LRRTM4: variants seen among roughly 807,000 people sequenced by gnomAD.
The protein encoded by LRRTM4 is leucine rich repeat transmembrane neuronal 4.
A neutral mutation model predicts 47.6 loss-of-function variants in LRRTM4; 25 were observed. The ratio of observed to expected loss-of-function variants is 0.53; its 90% CI spans 0.38 to 0.73. The LOEUF (loss-of-function observed/expected upper bound fraction) is 0.73. Among genes scored for constraint, LRRTM4 ranks in the 30% least tolerant of loss-of-function variants. LRRTM4 has a pLI of 0.00. For missense variants in LRRTM4, 638 were observed against 713.4 expected (o/e 0.89, Z 1.20); for synonymous variants, 311 against 269.5 (o/e 1.15, Z -1.51).
intron 3 of LRRTM4, among the ~76,000 whole-genome samples, chr2:77,478,905 T>C (rs1677541041): frequency 6.6e-6 from 1 of 152,018 alleles, no homozygotes; most frequent in African/African-American, 2.4e-5. Context: ...TCTTTCTTTC[T>C]TTTTTTTGAG....
At chr2:77,475,622 T>C (rs979564226) in intron 3 of LRRTM4, among the ~76,000 whole-genome samples, 2 of 151,994 alleles carry the variant, frequency 1.3e-5, no homozygotes, top group Non-Finnish European at 2.9e-5. Flanking sequence ...ATAATATACA[T>C]ATTTTAAAGT....
chr2:77,443,155 T>C (rs1265290192), intron 3 of LRRTM4, among the ~76,000 whole-genome samples: 1 of 152,160 alleles, frequency 6.6e-6, no homozygotes, highest in African/African-American at 2.4e-5. Flanking sequence ...TAAGATGGGT[T>C]GCAAATGTAG....
chr2:77,217,710 G>A (rs1674498991), intron 3 of LRRTM4, among the ~76,000 whole-genome samples: 1 of 151,476 alleles, frequency 6.6e-6, no homozygotes, highest in Admixed American at 6.6e-5. Flanking sequence ...TTACAGATAA[G>A]TCATAAGTCT....
At chr2:76,982,776 T>A (rs929191550) in intron 3 of LRRTM4, among the ~76,000 whole-genome samples, 7 of 151,944 alleles carry the variant, frequency 4.6e-5, no homozygotes, top group Admixed American at 4.6e-4. Flanking sequence ...TAAAATAGAT[T>A]TGCAAAAAAT....
chr2:76,900,932 G>A (rs1047175102), intron 3 of LRRTM4, among the ~76,000 whole-genome samples: 8 of 152,086 alleles, frequency 5.3e-5, no homozygotes, highest in African/African-American at 1.2e-4. Flanking sequence ...CTAAAAATAC[G>A]CCAATGCATG....
At chr2:77,098,937 C>T (rs1055066888) in intron 3 of LRRTM4, among the ~76,000 whole-genome samples, 2 of 151,968 alleles carry the variant, frequency 1.3e-5, no homozygotes, top group Non-Finnish European at 2.9e-5. Flanking sequence ...CTCCATTTCA[C>T]ATCTATTAGG....
At chr2:76,899,396 A>C (rs939005068) in intron 3 of LRRTM4, among the ~76,000 whole-genome samples, 1 of 151,690 alleles carries the variant, frequency 6.6e-6, no homozygotes, top group African/African-American at 2.4e-5. Flanking sequence ...CATAAATACT[A>C]TTGAGAGGTA....
chr2:77,121,018 T>G (rs1671508134), intron 3 of LRRTM4, among the ~76,000 whole-genome samples: 1 of 151,740 alleles, frequency 6.6e-6, no homozygotes, highest in African/African-American at 2.4e-5. Flanking sequence ...ACGGGCTATG[T>G]GTGTGCAGAG....
intron 3 of LRRTM4, among the ~76,000 whole-genome samples, chr2:77,368,856 T>C (rs1001765506): frequency 6.6e-6 from 1 of 151,754 alleles, no homozygotes; most frequent in African/African-American, 2.4e-5. Context: ...TGGCGATATA[T>C]GCAGGGGAAG....
At chr2:76,947,429 T>C (rs560330545) in intron 3 of LRRTM4, among the ~76,000 whole-genome samples, 2 of 152,000 alleles carry the variant, frequency 1.3e-5, no homozygotes, top group East Asian at 3.9e-4. Context: ...GAATAGTCAT[T>C]ATACACTAAA....
intron 3 of LRRTM4, among the ~76,000 whole-genome samples, chr2:77,159,870 T>C (rs1672663953): frequency 6.6e-6 from 1 of 152,178 alleles, no homozygotes; most frequent in South Asian, 2.1e-4. Context: ...TTTTAGTGCT[T>C]ATATCATGCA....
At chr2:76,936,075 A>G (rs1186743191) in intron 3 of LRRTM4, among the ~76,000 whole-genome samples, 4 of 152,180 alleles carry the variant, frequency 2.6e-5, no homozygotes, top group Non-Finnish European at 5.9e-5. Context: ...TTGACCCAGC[A>G]ATCCCATACT....
At chr2:77,059,321 G>A (rs1476080789) in intron 3 of LRRTM4, among the ~76,000 whole-genome samples, 5 of 152,094 alleles carry the variant, frequency 3.3e-5, no homozygotes, top group African/African-American at 4.8e-5. Flanking sequence ...TTGTCACAGT[G>A]GATAATTCTT....
In LRRTM4 at chr2:77,209,472, G is replaced by A. The variant is rs1214596061; in HGVS notation, c.1551+308846C>T. Among the ~76,000 whole-genome samples the A allele has an allele frequency of 2.6e-5, 4 of 151,510 alleles. No individual in the cohort carries two copies. In the East Asian group the frequency reaches 7.7e-4, roughly 29 times the overall value. On this transcript the variant is annotated intron_variant, in intron 3 of 3. Transcript: ENST00000409884. Reference sequence around the variant, plus strand: ...CCAACCAATTTATACCAGTCGCACTGCAAAAGCACAAAAATTGCAATTCTT... The same window carrying A: ...CCAACCAATTTATACCAGTCGCACTACAAAAGCACAAAAATTGCAATTCTT...
intron 3 of LRRTM4, among the ~76,000 whole-genome samples, chr2:76,812,160 C>T (rs1449602020): frequency 6.6e-6 from 1 of 152,050 alleles, no homozygotes; most frequent in African/African-American, 2.4e-5. Flanking sequence ...CTAGTGGAAG[C>T]CTTTGAGGTC....
In LRRTM4 at chr2:77,518,997, T is replaced by C. The variant is rs765145008; in HGVS notation, c.872A>G (p.Asn291Ser). ...CGCATTGACAGTTTCCTGTGAGATA[T>C]TGGTGAGCTTGTTGGAATCCAAATT... ...KLNLDSNKLT[N>S]ISQETVNAWI... is the part of the protein sequence containing the mutation. The change falls in exon 3 of 4, where the codon AAT (asparagine) becomes AGT (serine). Residue 291 changes from asparagine to serine, a missense_variant. Coordinates refer to ENST00000409884, the MANE Select transcript of LRRTM4 (RefSeq NM_001134745.3). The C allele has an allele frequency of 3.5e-5, 56 of 1,611,728 alleles. No homozygotes were observed. The highest frequency in any genetic ancestry group is 6.7e-5 in the African/African-American group (5 of 74,842).
intron 3 of LRRTM4, among the ~76,000 whole-genome samples, chr2:77,073,289 C>T (rs1680222426): frequency 6.6e-6 from 1 of 151,732 alleles, no homozygotes. Context: ...ATTCCATTAT[C>T]ACATATACTT....
chr2:76,869,994 A>G (rs1672577507), intron 3 of LRRTM4, among the ~76,000 whole-genome samples: 1 of 152,200 alleles, frequency 6.6e-6, no homozygotes, highest in East Asian at 1.9e-4. Context: ...CATAAAGGAA[A>G]GAGAGACTTA....
At chr2:77,063,050 G>A (rs1573517974) in intron 3 of LRRTM4, among the ~76,000 whole-genome samples, 1 of 150,888 alleles carries the variant, frequency 6.6e-6, no homozygotes, top group African/African-American at 2.4e-5. Flanking sequence ...CACCTCCAGG[G>A]TTCAAGCCAT....
Sources: allele counts gnomAD v4.1 joint callset (sites outside exome capture counted in the v4.1 genomes callset), GRCh38; gene constraint gnomAD v4.1.1; transcripts MANE v1.5; gene names NCBI Gene and HGNC (gene_info 2026-07-23, HGNC 2026-07-21).